KDM2B: variants seen among roughly 807,000 people sequenced by gnomAD.
KDM2B encodes lysine-specific demethylase 2B.
KDM2B carries 26 observed loss-of-function variants against 150.0 expected under a neutral mutation model. That is an observed-to-expected ratio of 0.17 (90% CI 0.13 to 0.24). The LOEUF is 0.24. Ranked by LOEUF, KDM2B falls within the 10% of genes least tolerant of loss-of-function variation. The pLI, the probability that KDM2B is intolerant of heterozygous loss-of-function variation, is 1.00. For missense variants in KDM2B, 1,265 were observed against 1,816.9 expected (o/e 0.70, Z 5.52); for synonymous variants, 734 against 729.5 (o/e 1.01, Z -0.10).
rs1880107797 is a variant in KDM2B, at chr12:121,467,097, G to A, written c.1735-13753C>T. On this transcript the variant is annotated intron_variant, in intron 12 of 22. Transcript: ENST00000377071. This position sits in a 1 kb window ranked among gnomAD's most constrained non-coding sequence, Gnocchi z 5.1. ...CGTCGCGGCCGCCCTCGGCGCGTCAGACAGGCGGTCGGGAGGTCGTGCGGC... is the reference window on the plus strand; with the variant it reads ...CGTCGCGGCCGCCCTCGGCGCGTCAAACAGGCGGTCGGGAGGTCGTGCGGC... 4.9e-6 allele frequency: 5 copies of A among 1,015,650 alleles called. No homozygotes were observed. The highest frequency in any genetic ancestry group is 2.5e-6 in the Non-Finnish European group (2 of 813,620). 62.9% of individuals were successfully genotyped at this position (1,015,650 alleles called of 1,614,324 possible). A position where few individuals can be genotyped will look rare whatever the true frequency, so the allele number is the denominator to read the frequency against.
At position 121,467,391 on chromosome 12, in the gene KDM2B, G is replaced by T; in HGVS notation, c.1735-14047C>A. On this transcript the variant is annotated intron_variant, in intron 12 of 22. Coordinates refer to ENST00000377071, the MANE Select transcript of KDM2B (RefSeq NM_032590.5). This position sits in a 1 kb window ranked among gnomAD's most constrained non-coding sequence, Gnocchi z 5.1. Reference sequence around the variant, plus strand: ...GCACGCCCGCGCTGGAGGGGGCGGGGAGGGGCCGGCGGGGGAGGGCCGGGG... The same window carrying T: ...GCACGCCCGCGCTGGAGGGGGCGGGTAGGGGCCGGCGGGGGAGGGCCGGGG... The T allele has an allele frequency of 1.0e-6, 1 of 974,312 alleles. No homozygotes were observed. The highest frequency in any genetic ancestry group is 4.6e-5 in the South Asian group (1 of 21,586). The allele number at this position is 974,312 out of a possible 1,614,324, so 60.4% of individuals were successfully genotyped here. A position where few individuals can be genotyped will look rare whatever the true frequency, so the allele number is the denominator to read the frequency against.
chr12:121,459,550 G>A (rs554108792), intron 12 of KDM2B, among the ~76,000 whole-genome samples: 2 of 152,304 alleles, frequency 1.3e-5, no homozygotes, highest in East Asian at 3.9e-4. Context: ...AAAAACTTTT[G>A]CTGGGCATGG....
intron 4 of KDM2B, among the ~76,000 whole-genome samples, chr12:121,564,713 A>G (rs58511638): frequency 0.03 from 4,576 of 152,244 alleles, 191 homozygotes; most frequent in African/African-American, 0.091. Context: ...CACAAAATCA[A>G]CAAGATTCCA....
At chr12:121,507,514 C>T (rs1157699013) in intron 11 of KDM2B, among the ~76,000 whole-genome samples, 1 of 152,182 alleles carries the variant, frequency 6.6e-6, no homozygotes, top group African/African-American at 2.4e-5. Context: ...AGGAAGTCTG[C>T]GCTGCTTGCG....
chr12:121,445,756 G>A lies in KDM2B; in HGVS notation c.1960-338C>T, dbSNP rs554605557. ...GGAAAAATTAGAGGGCTGGAGTGAG[G>A]GGCAGAAGGGGGGCTGATTTTAAAT... On this transcript the variant is annotated intron_variant, in intron 13 of 22. Coordinates refer to ENST00000377071, the MANE Select transcript of KDM2B (RefSeq NM_032590.5). 8.2e-4 allele frequency among the ~76,000 whole-genome samples: 125 copies of A among 152,282 alleles called. 1 individual carries two copies. Among genetic ancestry groups the A allele is most frequent in the Non-Finnish European group, 1.2e-3 (81 of 68,016 alleles).
intron 4 of KDM2B, among the ~76,000 whole-genome samples, chr12:121,554,852 A>C (rs577527907): frequency 6.6e-6 from 1 of 152,328 alleles, no homozygotes; most frequent in East Asian, 1.9e-4. Context: ...ACAAAAGAAC[A>C]TCTGCATCTG....
intron 4 of KDM2B, among the ~76,000 whole-genome samples, chr12:121,554,082 C>A (rs1349437763): frequency 1.4e-5 from 2 of 144,012 alleles, no homozygotes; most frequent in Admixed American, 1.4e-4. Context: ...CACACACACA[C>A]ACAAATTGGC....
chr12:121,459,084 C>CAAAA lies in KDM2B; in HGVS notation c.1735-5744_1735-5741dup, dbSNP rs60165748. 6.7e-3 allele frequency among the ~76,000 whole-genome samples: 684 copies of CAAAA among 102,374 alleles called. 9 individuals carry two copies. Among genetic ancestry groups the CAAAA allele is most frequent in the African/African-American group, 0.023 (638 of 27,516 alleles). The allele number at this position is 102,374 out of a possible 152,430, so 67.2% of individuals were successfully genotyped here. The stretch of plus-strand genomic sequence containing the variant: ...CTGGCAACAGAGCGAGACTCTGCCT[C>CAAAA]AAAAAAAAAAAAAAAAAAGACACAC... On this transcript the variant is annotated intron_variant, in intron 12 of 22. Transcript: ENST00000377071.
At chr12:121,529,028 C>T (rs552287677) in intron 8 of KDM2B, among the ~76,000 whole-genome samples, 2 of 152,234 alleles carry the variant, frequency 1.3e-5, no homozygotes, top group South Asian at 4.1e-4. Context: ...CAGGAAAGGA[C>T]ATAACAAAAA....
rs1387933874 is a variant in KDM2B, at chr12:121,467,087, C to T, written c.1735-13743G>A. The T allele has an allele frequency of 3.0e-4, 282 of 944,946 alleles. 2 individuals carry two copies. The highest frequency in any genetic ancestry group is 3.6e-4 in the Non-Finnish European group (274 of 755,586). 58.5% of individuals were successfully genotyped at this position (944,946 alleles called of 1,614,324 possible). On this transcript the variant is annotated intron_variant, in intron 12 of 22. Transcript: ENST00000377071. The surrounding 1 kb of genome is among the most constrained non-coding windows in gnomAD (Gnocchi z 5.1). ...GCGGCGGCGGCGTCGCGGCCGCCCT[C>T]GGCGCGTCAGACAGGCGGTCGGGAG...
chr12:121,448,582 G>A (rs1876697233), intron 13 of KDM2B, among the ~76,000 whole-genome samples: 1 of 152,144 alleles, frequency 6.6e-6, no homozygotes, highest in Non-Finnish European at 1.5e-5. Context: ...CAGTGCACCT[G>A]CAGACAGAGG....
chr12:121,424,710 CAAAA>C (rs112812260), downstream of KDM2B, among the ~76,000 whole-genome samples: 23 of 116,498 alleles, frequency 2.0e-4, no homozygotes, highest in Non-Finnish European at 3.0e-4. Context: ...GACCTTGTCT[CAAAA>C]AAAAAAAAAA....
At chr12:121,417,844 CTA>C in the KDM2B span, 2 of 1,614,142 alleles carry the variant, frequency 1.2e-6, no homozygotes, top group South Asian at 1.1e-5. The surrounding 1 kb of genome is among the most constrained non-coding windows in gnomAD (Gnocchi z 5.0). Flanking sequence ...CCCTCTGCTA[CTA>C]TGTCTTCGTT....
At chr12:121,478,361 C>CTTT (rs34310054) in intron 12 of KDM2B, among the ~76,000 whole-genome samples, 10 of 137,022 alleles carry the variant, frequency 7.3e-5, no homozygotes, top group African/African-American at 2.2e-4. Flanking sequence ...CAAGTAGATC[C>CTTT]TTTTTTTTTT....
At chr12:121,437,873 C>T (rs939433139) in intron 22 of KDM2B, among the ~76,000 whole-genome samples, 2 of 149,770 alleles carry the variant, frequency 1.3e-5, no homozygotes, top group African/African-American at 2.4e-5. Context: ...ACTGGTTACA[C>T]CGATGAGAGG....
intron 4 of KDM2B, among the ~76,000 whole-genome samples, chr12:121,568,447 C>T (rs577000569): frequency 2.6e-5 from 4 of 152,020 alleles, no homozygotes; most frequent in East Asian, 1.9e-4. Context: ...GCAACAAGAG[C>T]GAAACTCCAT....
the KDM2B span, chr12:121,417,833 C>T: frequency 6.2e-7 from 1 of 1,614,094 alleles, no homozygotes; most frequent in Admixed American, 1.7e-5. The surrounding 1 kb of genome is among the most constrained non-coding windows in gnomAD (Gnocchi z 5.0). Context: ...ACTATACAGC[C>T]CCCTCTGCTA....
At chr12:121,485,662 G>A (rs189924435) in intron 12 of KDM2B, among the ~76,000 whole-genome samples, 13 of 152,208 alleles carry the variant, frequency 8.5e-5, no homozygotes, top group Non-Finnish European at 1.5e-4. Flanking sequence ...CCAGGGTTCC[G>A]GGGCTTCTGT....
At chr12:121,420,294 A>C in the KDM2B span, 1 of 1,588,890 alleles carries the variant, frequency 6.3e-7, no homozygotes, top group African/African-American at 1.4e-5. Flanking sequence ...GACGACGATG[A>C]TGAGGATGAT....
Sources: gnomAD v4.1 joint callset for allele counts (sites outside exome capture counted in the v4.1 genomes callset) on GRCh38, gnomAD v4.1.1 for gene constraint, Gnocchi (gnomAD v3.1) non-coding constraint, MANE v1.5 for transcripts, NCBI Gene and HGNC (gene_info 2026-07-23, HGNC 2026-07-21) for gene names.